Variants in AUH observed in about 807,000 individuals in gnomAD.
The protein encoded by AUH is AU RNA binding methylglutaconyl-CoA hydratase.
A neutral mutation model predicts 42.3 loss-of-function variants in AUH; 29 were observed. The observed-to-expected ratio is 0.69, with a 90% CI of 0.51 to 0.93. The LOEUF (loss-of-function observed/expected upper bound fraction) is 0.93, where lower values mean the gene tolerates loss of function less well. Ranked by LOEUF, AUH falls within the 40% of genes least tolerant of loss-of-function variation. AUH has a pLI of 0.00. For missense variants in AUH, 452 were observed against 438.1 expected (o/e 1.03, Z -0.28); for synonymous variants, 174 against 166.4 (o/e 1.05, Z -0.35).
intron 6 of AUH, among the ~76,000 whole-genome samples, chr9:91,284,725 G>A (rs1826259702): frequency 6.6e-6 from 1 of 152,096 alleles, no homozygotes; most frequent in Admixed American, 6.6e-5. Context: ...TGTATCACTG[G>A]CTATCAGAGA....
At chr9:91,233,686 C>T (rs1828018157) in intron 6 of AUH, among the ~76,000 whole-genome samples, 1 of 152,168 alleles carries the variant, frequency 6.6e-6, no homozygotes, top group South Asian at 2.1e-4. Flanking sequence ...GTAACTGTTT[C>T]AAAATAATTA....
At position 91,334,018 on chromosome 9, in the gene AUH, G is replaced by A. The variant is rs191770333; in HGVS notation, c.419-8614C>T. ...TGAAGAGTTTTATGACAGGGTACAC[G>A]TTATGTATTAGACAGACCCTTTATG... On this transcript the variant is annotated intron_variant, in intron 3 of 9. Coordinates refer to ENST00000375731, the MANE Select transcript of AUH (RefSeq NM_001698.3). Among the ~76,000 whole-genome samples the A allele has an allele frequency of 2.6e-5, 4 of 152,262 alleles. No homozygotes were observed. The East Asian group carries it at 5.8e-4, about 22-fold the overall frequency.
intron 6 of AUH, among the ~76,000 whole-genome samples, chr9:91,261,344 G>C (rs1829697834): frequency 6.6e-6 from 1 of 152,110 alleles, no homozygotes; most frequent in Non-Finnish European, 1.5e-5. Flanking sequence ...TTATTTTAAG[G>C]ATAGTATGGC....
chr9:91,220,462 C>T (rs1416986737), intron 7 of AUH, among the ~76,000 whole-genome samples: 1 of 152,230 alleles, frequency 6.6e-6, no homozygotes, highest in Non-Finnish European at 1.5e-5. Flanking sequence ...AGCCCTATCA[C>T]TCTTTCTTTC....
intron 6 of AUH, among the ~76,000 whole-genome samples, chr9:91,278,579 C>T (rs371689251): frequency 1.3e-5 from 2 of 152,120 alleles, no homozygotes; most frequent in Admixed American, 6.5e-5. Flanking sequence ...GCGATTTCAA[C>T]GAATGGAAAA....
chr9:91,269,860 T>C (rs1824973880), intron 6 of AUH, among the ~76,000 whole-genome samples: 1 of 152,102 alleles, frequency 6.6e-6, no homozygotes, highest in African/African-American at 2.4e-5. Context: ...AAAAAAACAT[T>C]GCCAAATCCC....
intron 4 of AUH, among the ~76,000 whole-genome samples, chr9:91,302,768 C>CA (rs922192755): frequency 7.1e-4 from 106 of 150,236 alleles, no homozygotes; most frequent in African/African-American, 2.0e-3. Context: ...GACTCTGTCT[C>CA]AAAAAAAAGG....
At chr9:91,326,305 T>G (rs1829964872) in intron 3 of AUH, among the ~76,000 whole-genome samples, 1 of 152,118 alleles carries the variant, frequency 6.6e-6, no homozygotes, top group Non-Finnish European at 1.5e-5. Context: ...GAACCTCAGT[T>G]GACAAAGCAC....
In AUH at chr9:91,216,076, C is replaced by T; in HGVS notation, c.925G>A (p.Glu309Lys). 6.2e-7 allele frequency: 1 copy of T among 1,613,032 alleles called. No homozygotes were observed. Among genetic ancestry groups the T allele is most frequent in the Non-Finnish European group, 8.5e-7 (1 of 1,179,286 alleles). The change falls in exon 9 of 10, where the codon GAA becomes AAA. Residue 309 changes from glutamate to lysine, a missense_variant. Transcript: ENST00000375731. ...VDLVTGLAIE[E>K]ACYAQTIPTK... ...TTACATACCTGAGCATAACAAGCTT[C>T]TTCTATGGCTAACCCTGTTACTAAA...
chr9:91,293,437 C>T (rs1827072715), intron 6 of AUH, among the ~76,000 whole-genome samples: 1 of 152,216 alleles, frequency 6.6e-6, no homozygotes, highest in Non-Finnish European at 1.5e-5. Context: ...AGCCTTATTG[C>T]TGATATGCAG....
intron 6 of AUH, among the ~76,000 whole-genome samples, chr9:91,248,045 T>C (rs1024445554): frequency 2.0e-5 from 3 of 152,246 alleles, no homozygotes; most frequent in African/African-American, 7.2e-5. Context: ...TTTTTTCTCA[T>C]GTGGATCATG....
chr9:91,285,352 C>T (rs1448712426), intron 6 of AUH, among the ~76,000 whole-genome samples: 1 of 151,906 alleles, frequency 6.6e-6, no homozygotes, highest in Non-Finnish European at 1.5e-5. Flanking sequence ...GGAGACACAC[C>T]TAATGTAAAT....
At chr9:91,250,486 C>G (rs1829066496) in intron 6 of AUH, among the ~76,000 whole-genome samples, 1 of 152,182 alleles carries the variant, frequency 6.6e-6, no homozygotes, top group Admixed American at 6.5e-5. Context: ...ACAGGTGAGT[C>G]TCTTATATTC....
chr9:91,256,747 GGGA>G (rs1354893410), intron 6 of AUH, among the ~76,000 whole-genome samples: 3 of 152,144 alleles, frequency 2.0e-5, no homozygotes, highest in South Asian at 2.1e-4. Context: ...GGAGTGGGTA[GGGA>G]GGAGAACACT....
chr9:91,217,843 G>T (rs1370411587), intron 7 of AUH, among the ~76,000 whole-genome samples: 1 of 152,138 alleles, frequency 6.6e-6, no homozygotes, highest in Non-Finnish European at 1.5e-5. Context: ...CCTCTAAGCA[G>T]TGCTCCCACA....
chr9:91,246,726 A>G (rs1828816229), intron 6 of AUH, among the ~76,000 whole-genome samples: 1 of 152,270 alleles, frequency 6.6e-6, no homozygotes, highest in African/African-American at 2.4e-5. Context: ...ATGAAGTTAG[A>G]AGCTAAGCAA....
chr9:91,214,478 GT>G, intron 9 of AUH, 53 bp from the exon 10 acceptor site: 1 of 1,455,658 alleles, frequency 6.9e-7, no homozygotes. Context: ...AACTGTAAAA[GT>G]TTATCAAGCA....
intron 6 of AUH, among the ~76,000 whole-genome samples, chr9:91,254,491 T>G (rs1312238349): frequency 6.6e-6 from 1 of 152,212 alleles, no homozygotes; most frequent in Non-Finnish European, 1.5e-5. Context: ...AAAGTTCATT[T>G]AGCAATCATG....
chr9:91,359,580 AAAAAGAAAAG>A (rs148045110), intron 1 of AUH, among the ~76,000 whole-genome samples: 2,791 of 152,182 alleles, frequency 0.018, 30 homozygotes, highest in Non-Finnish European at 0.026. Context: ...CAAAAGAAAA[AAAAAGAAAAG>A]AAAAGGAAAT....
Sources: gnomAD v4.1 joint callset for allele counts (sites outside exome capture counted in the v4.1 genomes callset) on GRCh38, gnomAD v4.1.1 for gene constraint, MANE v1.5 for transcripts, NCBI Gene and HGNC (gene_info 2026-07-23, HGNC 2026-07-21) for gene names.